DSN1: variants seen among roughly 807,000 people sequenced by gnomAD.
DSN1 encodes the protein DSN1 component of MIS12 kinetochore complex.
Under a neutral mutation model 45.7 loss-of-function variants are expected in DSN1, and 31 were observed. The observed-to-expected ratio is 0.68, with a 90% CI of 0.51 to 0.92. DSN1 has a LOEUF of 0.92. Ranked by LOEUF, DSN1 falls within the 40% of genes least tolerant of loss-of-function variation. DSN1 has a pLI of 0.00. For missense variants in DSN1, 394 were observed against 414.2 expected, an observed-to-expected ratio of 0.95 and a Z score of 0.42; for synonymous variants, 134 against 142.3, an observed-to-expected ratio of 0.94 and a Z score of 0.41.
chr20:36,755,904 A>G, intron 8 of DSN1, 75 bp from the exon 9 acceptor site: 2 of 1,526,184 alleles, frequency 1.3e-6, no homozygotes, highest in East Asian at 2.3e-5. Flanking sequence ...ATTATCCTAT[A>G]AAGCTGAATC....
chr20:36,765,846 T>TA (rs72491027), intron 5 of DSN1, among the ~76,000 whole-genome samples: 2,111 of 69,392 alleles, frequency 0.03, 21 homozygotes, highest in South Asian at 0.05. Flanking sequence ...AGCAAAAGAC[T>TA]AAAAAAAAAA....
chr20:36,768,968 C>G (rs754259479), intron 3 of DSN1, among the ~76,000 whole-genome samples: 6 of 152,092 alleles, frequency 3.9e-5, no homozygotes, highest in East Asian at 1.9e-4. Context: ...ATATAAAAAG[C>G]ATTTTATGAA....
intron 6 of DSN1, among the ~76,000 whole-genome samples, chr20:36,759,265 G>A (rs1158498163): frequency 6.6e-6 from 1 of 152,092 alleles, no homozygotes; most frequent in African/African-American, 2.4e-5. Flanking sequence ...ACAGGCGTGA[G>A]CCACCACACC....
At chr20:36,765,806 A>C (rs1179978349) in intron 5 of DSN1, among the ~76,000 whole-genome samples, 1 of 151,542 alleles carries the variant, frequency 6.6e-6, no homozygotes, top group African/African-American at 2.4e-5. Context: ...TCAAAAAAAA[A>C]AAAAAATTCA....
intron 6 of DSN1, among the ~76,000 whole-genome samples, chr20:36,760,625 C>T (rs1430169871): frequency 2.0e-5 from 3 of 152,156 alleles, no homozygotes; most frequent in African/African-American, 4.8e-5. Flanking sequence ...TGGTGGTTCA[C>T]GCCTCTAATC....
At chr20:36,773,563 G>C (rs1023853844) in intron 1 of DSN1, 99 bp downstream of exon 1, 63 of 985,794 alleles carry the variant, frequency 6.4e-5, no homozygotes, top group Non-Finnish European at 7.3e-5. Context: ...CTGGGCCGAC[G>C]GGTACGACGC....
At chr20:36,767,215 T>G (rs2425281) in intron 4 of DSN1, among the ~76,000 whole-genome samples, 9,467 of 150,100 alleles carry the variant, frequency 0.063, 1,017 homozygotes, top group African/African-American at 0.22. Context: ...GCTGAGGCGG[T>G]AGAATCGCTT....
chr20:36,754,532 A>G (rs1186137979), intron 10 of DSN1, among the ~76,000 whole-genome samples: 1 of 152,154 alleles, frequency 6.6e-6, no homozygotes, highest in East Asian at 1.9e-4. Context: ...AAACAACAAC[A>G]TATTTCATGG....
At chr20:36,767,680 G>C (rs755546088) in intron 4 of DSN1, among the ~76,000 whole-genome samples, 1 of 152,144 alleles carries the variant, frequency 6.6e-6, no homozygotes, top group Non-Finnish European at 1.5e-5. Context: ...GAGGCAGGCG[G>C]ATCAGGAGGT....
rs747271828 is a variant in DSN1, at chr20:36,766,829, TCTGAA to T, written c.437_441del (p.Ile146LysfsTer3). ...GTGTCCCTTAGGAAAGGTTCAAGTT[TCTGAA>T]TAGAGAACTAAATAAAGAAAAGCAT... On this transcript the variant is annotated frameshift_variant, in exon 5 of 11. Coordinates refer to ENST00000373750, the MANE Select transcript of DSN1 (RefSeq NM_001145315.2). LOFTEE classifies it high-confidence loss of function. The T allele has an allele frequency of 1.6e-4, 253 of 1,605,422 alleles. No homozygotes were observed. The highest frequency in any genetic ancestry group is 2.8e-4 in the Admixed American group (16 of 57,034).
chr20:36,765,353 C>T (rs367849680), intron 5 of DSN1, among the ~76,000 whole-genome samples: 54 of 149,028 alleles, frequency 3.6e-4, no homozygotes, highest in Non-Finnish European at 7.0e-4. Flanking sequence ...GTCGGGAGTT[C>T]GAGACCAGCC....
intron 2 of DSN1, 28 bp from the exon 3 acceptor site, chr20:36,771,221 T>C: frequency 6.5e-7 from 1 of 1,543,700 alleles, no homozygotes; most frequent in Non-Finnish European, 8.7e-7. Context: ...AAAGTCAAAA[T>C]ACAAGATCAA....
rs946926315 is a variant in DSN1 at position 36,773,711 on chromosome 20, G to A, written c.-65C>T. 4.1e-6 allele frequency: 4 copies of A among 985,462 alleles called. No homozygotes were observed. The highest frequency in any genetic ancestry group is 1.2e-4 in the Admixed American group (2 of 16,270). The allele number at this position is 985,462 out of a possible 1,614,324, so 61.0% of individuals were successfully genotyped here. A position where few individuals can be genotyped will look rare whatever the true frequency, so the allele number is the denominator to read the frequency against. On this transcript the variant is annotated 5_prime_UTR_variant, in exon 1 of 11. Transcript: ENST00000373750. ...TCTCCACAGCCCCAGGTCACTCCTG[G>A]ACGCCTTGCGCACCCGCAGCCGATA...
In DSN1 at chr20:36,758,533, G is replaced by C. The variant is rs374915964; in HGVS notation, c.650+25C>G. The C allele has an allele frequency of 2.5e-6, 4 of 1,585,696 alleles. No homozygotes were observed. The East Asian group carries it at 6.7e-5, about 27-fold the overall frequency. ...TTCCCCAGATGGGAGAACGAATTTA[G>C]ATTTTCTAACAAAGGTTAACTTACT... On this transcript the variant is annotated intron_variant, in intron 7 of 10. Coordinates refer to ENST00000373750, the MANE Select transcript of DSN1 (RefSeq NM_001145315.2).
rs771230401 is a variant in DSN1 at position 36,771,044 on chromosome 20, C to G, written c.184G>C (p.Gly62Arg). The G allele has an allele frequency of 2.5e-6, 4 of 1,614,156 alleles. No homozygotes were observed. The South Asian group carries it at 4.4e-5, about 18-fold the overall frequency. Residue 62 changes from glycine (G) to arginine (R), a missense_variant, in exon 3 of 11, where the codon GGG (glycine) becomes CGG (arginine). Coordinates refer to ENST00000373750, the MANE Select transcript of DSN1 (RefSeq NM_001145315.2). The stretch of plus-strand genomic sequence containing the variant: ...TGGTGGCTGAGATCACAATTTCCCC[C>G]TTTTTTAGGGCTAGAGCCAAGGTGA... Reference protein sequence around the residue: ...RIHLGSSPKKGGNCDLSHQER... With the variant: ...RIHLGSSPKKRGNCDLSHQER...
At position 36,766,826 on chromosome 20, in the gene DSN1, G is replaced by C. The variant is rs780806111; in HGVS notation, c.445C>G (p.Leu149Val). ...TTAGTGTCCCTTAGGAAAGGTTCAA[G>C]TTTCTGAATAGAGAACTAAATAAAG... ...LSSFQFSIQK[L>V]EPFLRDTKGF... The change falls in exon 5 of 11, where the codon CTT becomes GTT. Residue 149 changes from leucine (L) to valine (V), a missense_variant. Transcript: ENST00000373750. The C allele has an allele frequency of 6.2e-7, 1 of 1,605,776 alleles. No individual in the cohort carries two copies. The highest frequency in any genetic ancestry group is 1.7e-5 in the Admixed American group (1 of 57,232).
chr20:36,755,989 T>C (rs1986655281), intron 8 of DSN1, among the ~76,000 whole-genome samples, 160 bp from the exon 9 acceptor site: 1 of 152,152 alleles, frequency 6.6e-6, no homozygotes, highest in South Asian at 2.1e-4. Context: ...TTTGTTTGTT[T>C]TTGAGATGGA....
intron 7 of DSN1, 99 bp downstream of exon 7, chr20:36,758,459 G>A (rs1046244422): frequency 9.5e-7 from 1 of 1,053,850 alleles, no homozygotes; most frequent in Non-Finnish European, 1.4e-6. Flanking sequence ...CACTAATGCT[G>A]ACTCTCCAAA....
chr20:36,764,204 G>C (rs1453806565), intron 5 of DSN1, among the ~76,000 whole-genome samples: 1 of 150,418 alleles, frequency 6.6e-6, no homozygotes, highest in African/African-American at 2.4e-5. Context: ...CTGGGCAACA[G>C]AGCGAGATCC....
Sources: allele counts gnomAD v4.1 joint callset (sites outside exome capture counted in the v4.1 genomes callset), GRCh38; gene constraint gnomAD v4.1.1; transcripts MANE v1.5; gene names NCBI Gene and HGNC (gene_info 2026-07-23, HGNC 2026-07-21).